The following MTA3 variants were observed in gnomAD, a reference collection of about 807,000 sequenced individuals.
The protein encoded by MTA3 is metastasis associated 1 family member 3, also known as metastasis-associated protein MTA3.
Under a neutral mutation model 83.5 loss-of-function variants are expected in MTA3, and 34 were observed. The ratio of observed to expected loss-of-function variants is 0.41; its 90% CI spans 0.31 to 0.54. The LOEUF is 0.54. Ranked by LOEUF, MTA3 falls within the 20% of genes least tolerant of loss-of-function variation. The pLI is 0.33. For missense variants in MTA3, 761 were observed against 726.4 expected, an observed-to-expected ratio of 1.05 and a Z score of -0.55; for synonymous variants, 303 against 252.7, an observed-to-expected ratio of 1.20 and a Z score of -1.89.
intron 4 of MTA3, chr2:42,613,949 C>G (rs961396744): frequency 1.3e-5 from 2 of 152,094 alleles, no homozygotes; most frequent in Non-Finnish European, 2.9e-5. Context: ...CATTTATGCA[C>G]AGTGATTGAG....
chr2:42,565,294 C>T (rs937390518), upstream of MTA3, among the ~76,000 whole-genome samples: 1 of 152,008 alleles, frequency 6.6e-6, no homozygotes, highest in South Asian at 2.1e-4. Context: ...AGCGATTTGC[C>T]TGCCTCAGTC....
chr2:42,494,423 C>T (rs1454332734), upstream of MTA3: 1 of 152,328 alleles, frequency 6.6e-6, no homozygotes, highest in Non-Finnish European at 1.5e-5. Context: ...GTCCGGAGCC[C>T]AGCTCGGGTT....
intron 2 of MTA3, among the ~76,000 whole-genome samples, chr2:42,549,440 T>C (rs1176762181): frequency 2.2e-5 from 1 of 45,854 alleles, no homozygotes; most frequent in African/African-American, 1.1e-4. Context: ...AATATATACG[T>C]ATACATATAA....
At chr2:42,710,026 T>C (rs1176817383) in intron 14 of MTA3, among the ~76,000 whole-genome samples, 1 of 152,200 alleles carries the variant, frequency 6.6e-6, no homozygotes. Context: ...CGTGCAGCTT[T>C]TGTTCCTTAA....
At chr2:42,528,544 G>T (rs1675821791) in intron 2 of MTA3, among the ~76,000 whole-genome samples, 1 of 152,188 alleles carries the variant, frequency 6.6e-6, no homozygotes, top group South Asian at 2.1e-4. Flanking sequence ...TAAATGGCAT[G>T]TGTCTTTGCG....
At chr2:42,716,941 C>G (rs1029965484) in intron 14 of MTA3, among the ~76,000 whole-genome samples, 3 of 152,138 alleles carry the variant, frequency 2.0e-5, no homozygotes, top group Non-Finnish European at 1.5e-5. Flanking sequence ...GTATTCCCAT[C>G]AACCGTGTAT....
chr2:42,671,337 G>T (rs1310238924), intron 8 of MTA3, among the ~76,000 whole-genome samples: 2 of 151,368 alleles, frequency 1.3e-5, no homozygotes, highest in Admixed American at 6.6e-5. Flanking sequence ...TTTCATTCTT[G>T]TTATTGTTTA....
At chr2:42,614,967 ACT>A (rs1684673842) in intron 4 of MTA3, among the ~76,000 whole-genome samples, 2 of 119,806 alleles carry the variant, frequency 1.7e-5, no homozygotes, top group Admixed American at 9.8e-5. Flanking sequence ...ACAGAGCAAG[ACT>A]CTGTCTTAAA....
intron 3 of MTA3, among the ~76,000 whole-genome samples, chr2:42,595,992 C>T (rs1262762518): frequency 6.6e-6 from 1 of 152,014 alleles, no homozygotes; most frequent in African/African-American, 2.4e-5. Flanking sequence ...CTTAATACTT[C>T]CGAGAGAAAT....
chr2:42,546,514 CA>C (rs1676765740), intron 2 of MTA3, among the ~76,000 whole-genome samples: 1 of 151,984 alleles, frequency 6.6e-6, no homozygotes, highest in Non-Finnish European at 1.5e-5. Flanking sequence ...CTAATCAAAC[CA>C]AAAAGAACTG....
chr2:42,553,304 G>C (rs1677208959), intron 2 of MTA3, among the ~76,000 whole-genome samples: 1 of 151,478 alleles, frequency 6.6e-6, no homozygotes, highest in African/African-American at 2.4e-5. Context: ...GGTGCCTGTA[G>C]TCCCAGCTAC....
intron 2 of MTA3, among the ~76,000 whole-genome samples, chr2:42,517,557 G>A (rs1347901422): frequency 8.0e-6 from 1 of 124,822 alleles, no homozygotes; most frequent in Non-Finnish European, 1.6e-5. Flanking sequence ...TTGGGGACAA[G>A]AGCAAAATTC....
At chr2:42,603,994 C>A (rs188969885) in intron 3 of MTA3, among the ~76,000 whole-genome samples, 1 of 152,360 alleles carries the variant, frequency 6.6e-6, no homozygotes, top group Non-Finnish European at 1.5e-5. Flanking sequence ...TGTGATCCGC[C>A]TGCCTCGGTC....
chr2:42,640,124 A>G (rs1278801344), intron 4 of MTA3, 49 bp from the exon 5 acceptor site: 1 of 1,318,360 alleles, frequency 7.6e-7, no homozygotes, highest in Non-Finnish European at 1.1e-6. Flanking sequence ...CATCACTGAG[A>G]AGGTGAGGTG....
At chr2:42,672,193 T>C (rs1690858991) in intron 8 of MTA3, among the ~76,000 whole-genome samples, 1 of 152,060 alleles carries the variant, frequency 6.6e-6, no homozygotes, top group Admixed American at 6.6e-5. Context: ...CCTGTAGCTT[T>C]CTTGTGATAA....
At chr2:42,504,994 C>T (rs998671100) in intron 2 of MTA3, among the ~76,000 whole-genome samples, 2 of 152,108 alleles carry the variant, frequency 1.3e-5, no homozygotes, top group East Asian at 3.8e-4. Context: ...GTGGACCTTG[C>T]TCTGTACGAT....
chr2:42,573,784 T>G (rs1678741407), intron 2 of MTA3, among the ~76,000 whole-genome samples: 1 of 152,070 alleles, frequency 6.6e-6, no homozygotes, highest in Non-Finnish European at 1.5e-5. Context: ...GTGCTGAGAT[T>G]ACAGGCGTGA....
intron 2 of MTA3, among the ~76,000 whole-genome samples, chr2:42,496,555 G>A (rs1674144773): frequency 6.7e-6 from 1 of 148,166 alleles, no homozygotes. Context: ...CAATTTAAAG[G>A]TAGAATTTTA....
At chr2:42,615,343 A>T (rs1285179778) in intron 4 of MTA3, among the ~76,000 whole-genome samples, 3 of 150,690 alleles carry the variant, frequency 2.0e-5, no homozygotes, top group African/African-American at 7.3e-5. Flanking sequence ...GTTTACATTT[A>T]ATTTTACTTT....
Sources: allele counts gnomAD v4.1 joint callset (sites outside exome capture counted in the v4.1 genomes callset), GRCh38; gene constraint gnomAD v4.1.1; transcripts MANE v1.5; gene names NCBI Gene and HGNC (gene_info 2026-07-23, HGNC 2026-07-21).